HPSE2: variants seen among roughly 807,000 people sequenced by gnomAD.
The protein encoded by HPSE2 is heparanase 2 (inactive).
In HPSE2, 38 loss-of-function variants were observed where a neutral mutation model predicts 60.5. The ratio of observed to expected loss-of-function variants is 0.63; its 90% CI spans 0.48 to 0.82. HPSE2 has a LOEUF of 0.82. HPSE2 is among the 40% of genes least tolerant of loss of function. The pLI is 0.00. For missense variants in HPSE2, 713 were observed against 740.4 expected (o/e 0.96, Z 0.43); for synonymous variants, 295 against 293.2 (o/e 1.01, Z -0.06).
chr10:99,118,112 C>A (rs557307309), intron 3 of HPSE2, among the ~76,000 whole-genome samples: 1 of 152,116 alleles, frequency 6.6e-6, no homozygotes, highest in Admixed American at 6.5e-5. Context: ...TGTGATCCAT[C>A]ACATAAACAG....
chr10:98,695,603 A>G (rs1425986520), intron 5 of HPSE2, among the ~76,000 whole-genome samples: 1 of 152,186 alleles, frequency 6.6e-6, no homozygotes, highest in East Asian at 1.9e-4. Context: ...CCTATTGCCT[A>G]GAGAAGTACA....
chr10:98,560,076 T>G (rs1380141019), intron 9 of HPSE2, among the ~76,000 whole-genome samples: 1 of 152,160 alleles, frequency 6.6e-6, no homozygotes, highest in Non-Finnish European at 1.5e-5. Flanking sequence ...TAGTGAAGAC[T>G]ATTAAAAGGT....
At chr10:98,493,000 C>G (rs749482908) in intron 9 of HPSE2, among the ~76,000 whole-genome samples, 1 of 152,232 alleles carries the variant, frequency 6.6e-6, no homozygotes, top group African/African-American at 2.4e-5. Flanking sequence ...CCCCCAATCT[C>G]TGGCAACCAT....
intron 3 of HPSE2, among the ~76,000 whole-genome samples, chr10:99,029,811 A>G (rs1957459315): frequency 3.3e-5 from 5 of 152,186 alleles, no homozygotes; most frequent in Admixed American, 3.3e-4. Flanking sequence ...AAGCCTGACT[A>G]ATATCAGGCC....
intron 9 of HPSE2, among the ~76,000 whole-genome samples, chr10:98,567,018 C>T (rs1022972901): frequency 1.3e-5 from 2 of 152,170 alleles, no homozygotes; most frequent in African/African-American, 4.8e-5. Flanking sequence ...TGACTTGCTT[C>T]TCAGGAAGGG....
Position 98,562,498 on chromosome 10 carries a change from C to G in HPSE2, c.1320+52406G>C, listed in dbSNP as rs377441330. 7.9e-5 allele frequency among the ~76,000 whole-genome samples: 12 copies of G among 152,132 alleles called. No homozygotes were observed. The East Asian group carries it at 2.1e-3, about 27-fold the overall frequency. ...TTGGGAGGCTGAGGCGGGCGGATCA[C>G]AAGGTCAGGAGATCGAGACCATCCT... On this transcript the variant is annotated intron_variant, in intron 9 of 11. Transcript: ENST00000370552.
At chr10:98,580,863 T>TGTGTGTGTGTGTGTGTGTGTGTGA (rs758991622) in intron 9 of HPSE2, among the ~76,000 whole-genome samples, 9 of 142,578 alleles carry the variant, frequency 6.3e-5, no homozygotes, top group African/African-American at 2.4e-4. Flanking sequence ...TGTGTGTGTG[T>TGTGTGTGTGTGTGTGTGTGTGTGA]GATAAACATG....
intron 3 of HPSE2, among the ~76,000 whole-genome samples, chr10:98,959,352 T>C (rs560278333): frequency 8.1e-6 from 1 of 124,180 alleles, no homozygotes; most frequent in African/African-American, 3.2e-5. Flanking sequence ...GTCAAAACTA[T>C]CTCTGGAAAA....
chr10:98,947,946 G>A (rs1955238647), intron 3 of HPSE2, among the ~76,000 whole-genome samples: 1 of 152,020 alleles, frequency 6.6e-6, no homozygotes, highest in Non-Finnish European at 1.5e-5. Context: ...AGAACCCCAT[G>A]GATTCAACAC....
intron 3 of HPSE2, among the ~76,000 whole-genome samples, chr10:99,100,265 T>A (rs560146431): frequency 3.3e-5 from 5 of 152,070 alleles, no homozygotes; most frequent in African/African-American, 9.7e-5. Flanking sequence ...ATGAATGGCT[T>A]ACTAGAATAA....
At chr10:98,868,787 G>A (rs1221696574) in intron 3 of HPSE2, among the ~76,000 whole-genome samples, 1 of 151,920 alleles carries the variant, frequency 6.6e-6, no homozygotes, top group Non-Finnish European at 1.5e-5. Flanking sequence ...TTTGATTGTT[G>A]TATTTTTATT....
chr10:98,534,318 A>T (rs1209522373), intron 9 of HPSE2, among the ~76,000 whole-genome samples: 1 of 152,252 alleles, frequency 6.6e-6, no homozygotes, highest in Non-Finnish European at 1.5e-5. Context: ...AAGTTATGGA[A>T]GAAATCTGCC....
intron 7 of HPSE2, among the ~76,000 whole-genome samples, chr10:98,629,723 A>G (rs974446752): frequency 6.6e-6 from 1 of 152,184 alleles, no homozygotes; most frequent in African/African-American, 2.4e-5. Context: ...GTGGTTCCCT[A>G]CTGCCAGCAG....
At chr10:98,943,840 G>A (rs930765594) in intron 3 of HPSE2, among the ~76,000 whole-genome samples, 1 of 152,126 alleles carries the variant, frequency 6.6e-6, no homozygotes, top group Non-Finnish European at 1.5e-5. Context: ...TTAGACTGCT[G>A]CCTCAGCCAA....
At chr10:98,591,654 T>C (rs182861710) in intron 9 of HPSE2, among the ~76,000 whole-genome samples, 2 of 148,458 alleles carry the variant, frequency 1.3e-5, no homozygotes, top group East Asian at 3.9e-4. Flanking sequence ...ACAGTGAGAC[T>C]CTATCTCAAA....
At chr10:98,789,581 G>A (rs967470431) in intron 3 of HPSE2, among the ~76,000 whole-genome samples, 1 of 152,178 alleles carries the variant, frequency 6.6e-6, no homozygotes, top group African/African-American at 2.4e-5. Flanking sequence ...GACCTTTATA[G>A]CCCCATCTCA....
chr10:98,971,165 A>G (rs1243605002), intron 3 of HPSE2, among the ~76,000 whole-genome samples: 4 of 152,254 alleles, frequency 2.6e-5, no homozygotes, highest in African/African-American at 7.2e-5. Flanking sequence ...AACGTTTAAT[A>G]CTGACTACTA....
intron 3 of HPSE2, among the ~76,000 whole-genome samples, chr10:98,976,365 T>C (rs572121089): frequency 1.4e-4 from 22 of 152,194 alleles, no homozygotes; most frequent in Non-Finnish European, 2.2e-4. Flanking sequence ...CATTTAATCC[T>C]CACAACAAGT....
At chr10:99,315,620 A>G in the HPSE2 span, among the ~76,000 whole-genome samples, 4 of 152,186 alleles carry the variant, frequency 2.6e-5, no homozygotes. Context: ...GGGCTACACA[A>G]AAAGCTTGCA....
Sources: gnomAD v4.1 joint callset for allele counts (sites outside exome capture counted in the v4.1 genomes callset) on GRCh38, gnomAD v4.1.1 for gene constraint, MANE v1.5 for transcripts, NCBI Gene and HGNC (gene_info 2026-07-23, HGNC 2026-07-21) for gene names.